The following FYCO1 variants were observed in gnomAD, a reference collection of about 807,000 sequenced individuals.
The protein encoded by FYCO1 is FYVE and coiled-coil domain autophagy adaptor 1.
FYCO1 carries 122 observed loss-of-function variants against 165.1 expected under a neutral mutation model. The ratio of observed to expected loss-of-function variants is 0.74; its 90% confidence interval spans 0.64 to 0.86. FYCO1 has a LOEUF of 0.86. Ranked by LOEUF, FYCO1 falls within the 40% of genes least tolerant of loss-of-function variation. The probability of loss-of-function intolerance (pLI) is 0.00; values close to 1 mark genes in which losing one functional copy is unlikely to be tolerated. For missense variants in FYCO1, 1,702 were observed against 1,810.3 expected (o/e 0.94, Z 1.09); for synonymous variants, 648 against 742.5 (o/e 0.87, Z 2.07).
rs180708089 is a variant in FYCO1 at position 45,964,467 on chromosome 3, G to A, written c.3151-13C>T. On this transcript the variant is annotated splice_polypyrimidine_tract_variant and intron_variant, in intron 9 of 17. Transcript: ENST00000296137. This position sits in a 1 kb window ranked among gnomAD's most constrained non-coding sequence, Gnocchi z 4.1. ...CTGCTTGGGTGGCCTGGCACAGGACGTCAGGGAGAAGACACTCAGCTTGCA... is the reference window on the plus strand; with the variant it reads ...CTGCTTGGGTGGCCTGGCACAGGACATCAGGGAGAAGACACTCAGCTTGCA... 68 of 1,613,606 alleles carry A rather than the reference G, an allele frequency of 4.2e-5. No individual in the cohort carries two copies. The highest frequency in any genetic ancestry group is 3.5e-4 in the African/African-American group (26 of 74,932).
At chr3:45,974,764 C>T (rs1706642336) in intron 5 of FYCO1, among the ~76,000 whole-genome samples, 1 of 151,988 alleles carries the variant, frequency 6.6e-6, no homozygotes. Context: ...AGGCTGACTG[C>T]ACACCTGACC....
intron 13 of FYCO1, among the ~76,000 whole-genome samples, chr3:45,957,630 C>T (rs549017546): frequency 3.3e-5 from 5 of 152,362 alleles, no homozygotes; most frequent in Admixed American, 3.3e-4. Flanking sequence ...AAAGTACACT[C>T]CCCATCCTTG....
chr3:45,925,179 C>T (rs60110056), intron 16 of FYCO1, among the ~76,000 whole-genome samples: 10,066 of 151,824 alleles, frequency 0.066, 1,160 homozygotes, highest in African/African-American at 0.23. Context: ...TCACCCGCCT[C>T]GGCCTCCCAA....
At chr3:45,948,570 G>A (rs922555872) in intron 14 of FYCO1, among the ~76,000 whole-genome samples, 2 of 152,222 alleles carry the variant, frequency 1.3e-5, no homozygotes, top group East Asian at 1.9e-4. Context: ...CTTCCAGAAT[G>A]TGGTCACAGG....
At chr3:45,944,198 G>A (rs1241023112) in intron 14 of FYCO1, among the ~76,000 whole-genome samples, 2 of 112,924 alleles carry the variant, frequency 1.8e-5, no homozygotes, top group South Asian at 2.2e-4. Flanking sequence ...GTGTGTGTCT[G>A]TGTGTGTGTG....
Position 45,955,303 on chromosome 3 carries a change from G to A in FYCO1, c.3890C>T (p.Ser1297Phe), listed in dbSNP as rs1705246252. Reference protein sequence around the residue: ...ELCQIQESGSSLPETPTETDS... With the variant: ...ELCQIQESGSFLPETPTETDS... ...AGTTTCAGTGGGTGTTTCAGGCAAA[G>A]AGGAGCCGGACTCCTGTATCTGGCA... Residue 1297 changes from serine (S) to phenylalanine (F), a missense_variant, in exon 14 of 18, where the codon TCT (serine) becomes TTT (phenylalanine). Coordinates refer to ENST00000296137, the MANE Select transcript of FYCO1 (RefSeq NM_024513.4). 4 of 1,614,178 alleles carry A rather than the reference G, an allele frequency of 2.5e-6. No individual in the cohort carries two copies. The East Asian group carries it at 8.9e-5, about 36-fold the overall frequency.
chr3:45,986,807 C>A (rs1216022460), intron 1 of FYCO1, among the ~76,000 whole-genome samples: 1 of 152,174 alleles, frequency 6.6e-6, no homozygotes, highest in East Asian at 1.9e-4. Flanking sequence ...GAGCAGGGAC[C>A]AGCCGGGGCC....
At chr3:45,959,297 T>C (rs1321034016) in intron 12 of FYCO1, 96 bp downstream of exon 12, 15 of 1,345,466 alleles carry the variant, frequency 1.1e-5, no homozygotes, top group Non-Finnish European at 1.6e-5. Flanking sequence ...TCAGCCATGG[T>C]GCCAACACCT....
rs759750288 is a variant in FYCO1, at chr3:45,921,810, C to G, written c.4392G>C (p.Leu1464Phe). Residue 1464 changes from leucine (L) to phenylalanine (F), a missense_variant, in exon 18 of 18, where the codon TTG becomes TTC. Leu to Phe is a conservative substitution (Grantham distance 22). Coordinates refer to ENST00000296137, the MANE Select transcript of FYCO1 (RefSeq NM_024513.4). ...RFVSKKVFYH[L>F]TVDRPVIYDG... is the part of the protein sequence containing the mutation. Reference sequence around the variant, plus strand: ...CGTAGATCACAGGCCGATCAACCGTCAAGTGATAAAATACCTTTTTAGAGA... The same window carrying G: ...CGTAGATCACAGGCCGATCAACCGTGAAGTGATAAAATACCTTTTTAGAGA... The G allele has an allele frequency of 6.2e-7, 1 of 1,613,022 alleles. No individual in the cohort carries two copies. The highest frequency in any genetic ancestry group is 8.5e-7 in the Non-Finnish European group (1 of 1,178,968).
intron 5 of FYCO1, 31 bp from the exon 6 acceptor site, chr3:45,973,262 A>G (rs961983561): frequency 6.2e-7 from 1 of 1,609,030 alleles, no homozygotes; most frequent in Non-Finnish European, 8.5e-7. Flanking sequence ...TATAAGAGTA[A>G]TAAAGATAAA....
rs1707666395 is a variant in FYCO1, at chr3:45,993,760, A to G, written c.-113+1962T>C. On this transcript the variant is annotated intron_variant, in intron 1 of 17. Coordinates refer to ENST00000296137, the MANE Select transcript of FYCO1 (RefSeq NM_024513.4). This position sits in a 1 kb window ranked among gnomAD's most constrained non-coding sequence, Gnocchi z 4.4. ...TGGTTCCTAAATCTAGGTGCCTACC[A>G]GTGATTTCCACCATAAGACCACAGC... is the stretch of plus-strand genomic sequence containing the variant. Among the ~76,000 whole-genome samples the G allele has an allele frequency of 6.6e-6, 1 of 152,162 alleles. No individual in the cohort carries two copies. The highest frequency in any genetic ancestry group is 2.1e-4 in the South Asian group (1 of 4,824).
intron 14 of FYCO1, among the ~76,000 whole-genome samples, chr3:45,944,809 A>T (rs1027616793): frequency 3.3e-5 from 5 of 152,216 alleles, no homozygotes; most frequent in African/African-American, 7.2e-5. Context: ...TCAAGCAATA[A>T]TGGGGAGCTG....
chr3:45,964,652 A>C lies in FYCO1; in HGVS notation c.3151-198T>G. The C allele has an allele frequency of 1.5e-6, 1 of 665,076 alleles. No individual in the cohort carries two copies. The highest frequency in any genetic ancestry group is 1.9e-6 in the Non-Finnish European group (1 of 537,434). 41.2% of individuals were successfully genotyped at this position (665,076 alleles called of 1,614,324 possible). On this transcript the variant is annotated intron_variant, in intron 9 of 17. Coordinates refer to ENST00000296137, the MANE Select transcript of FYCO1 (RefSeq NM_024513.4). The surrounding 1 kb of genome is among the most constrained non-coding windows in gnomAD (Gnocchi z 4.1). ...ACTGCAACTAGTTGTGGTGGTTGGC[A>C]AGTGGCAGGTACCAGAATTCCCAGG...
chr3:45,941,429 T>C (rs1430822946), intron 14 of FYCO1: 1 of 152,246 alleles, frequency 6.6e-6, no homozygotes, highest in Non-Finnish European at 1.5e-5. Context: ...CTAAGACATA[T>C]ATGATTGGGT....
chr3:45,981,037 G>T (rs184884856), intron 3 of FYCO1, among the ~76,000 whole-genome samples: 1 of 152,174 alleles, frequency 6.6e-6, no homozygotes, highest in Non-Finnish European at 1.5e-5. Context: ...AGTAGGTTGG[G>T]GTGGGAGCCA....
chr3:45,929,460 C>T (rs1385733757), intron 16 of FYCO1, among the ~76,000 whole-genome samples: 3 of 152,192 alleles, frequency 2.0e-5, no homozygotes. Context: ...CCCTTCCCTC[C>T]CTGCCACAAA....
Position 45,920,227 on chromosome 3 carries a change from G to A in FYCO1, c.*1538C>T, listed in dbSNP as rs1703044344. ...GTGTGGTGGGTTTGGGGTCTCTGTT[G>A]GACTTGGCCTGGAGTCCCTGACCCA... On this transcript the variant is annotated 3_prime_UTR_variant, in exon 18 of 18. Coordinates refer to ENST00000296137, the MANE Select transcript of FYCO1 (RefSeq NM_024513.4). The A allele has an allele frequency of 6.6e-6, 1 of 152,236 alleles. No homozygotes were observed. Among genetic ancestry groups the A allele is most frequent in the African/African-American group, 2.4e-5 (1 of 41,436 alleles). The allele number at this position is 152,236 out of a possible 1,614,324, so 9.4% of individuals were successfully genotyped here.
At chr3:45,969,260 G>A (rs551388147) in intron 7 of FYCO1, among the ~76,000 whole-genome samples, 2 of 152,214 alleles carry the variant, frequency 1.3e-5, no homozygotes, top group South Asian at 2.1e-4. Flanking sequence ...CATATGTCAA[G>A]CCCGTAAGTA....
At chr3:45,930,385 T>C (rs1461770124) in intron 16 of FYCO1, among the ~76,000 whole-genome samples, 2 of 152,146 alleles carry the variant, frequency 1.3e-5, no homozygotes, top group Non-Finnish European at 2.9e-5. Flanking sequence ...CCTCTGTCCC[T>C]GTGGTCTGGA....
Sources: allele counts gnomAD v4.1 joint callset (sites outside exome capture counted in the v4.1 genomes callset), GRCh38; gene constraint gnomAD v4.1.1; non-coding constraint Gnocchi (gnomAD v3.1); transcripts MANE v1.5; gene names NCBI Gene and HGNC (gene_info 2026-07-23, HGNC 2026-07-21).